Variants in RASGEF1C observed in about 807,000 individuals in gnomAD.
RASGEF1C encodes the protein ras-GEF domain-containing family member 1C.
RASGEF1C carries 27 observed loss-of-function variants against 58.1 expected under a neutral mutation model. The ratio of observed to expected loss-of-function variants is 0.46; its 90% confidence interval spans 0.34 to 0.64. RASGEF1C has a LOEUF of 0.64. Among genes scored for constraint, RASGEF1C ranks in the 30% least tolerant of loss-of-function variants. The pLI is 0.01. For synonymous variants in RASGEF1C, 243 were observed against 246.3 expected (o/e 0.99, Z 0.13); for missense variants, 502 against 605.1 (o/e 0.83, Z 1.79).
intron 4 of RASGEF1C, 93 bp downstream of exon 4, chr5:180,136,285 G>T: frequency 7.8e-7 from 1 of 1,285,552 alleles, no homozygotes. Flanking sequence ...GTGCAGGGTG[G>T]GGAGATGAGG....
At chr5:180,127,551 A>G (rs1766283842) in intron 6 of RASGEF1C, 58 bp downstream of exon 6, 1 of 1,504,624 alleles carries the variant, frequency 6.6e-7, no homozygotes, top group East Asian at 2.4e-5. Flanking sequence ...GGCTCCCCGG[A>G]GAGCGGCCAG....
chr5:180,204,315 G>A (rs2127564826), intron 1 of RASGEF1C, among the ~76,000 whole-genome samples: 1 of 152,206 alleles, frequency 6.6e-6, no homozygotes, highest in East Asian at 1.9e-4. Context: ...GGGACTGTTG[G>A]GTCATATGGT....
chr5:180,200,761 C>T (rs1036103328), intron 1 of RASGEF1C, among the ~76,000 whole-genome samples: 1 of 152,052 alleles, frequency 6.6e-6, no homozygotes, highest in African/African-American at 2.4e-5. Context: ...ACCATCCATG[C>T]CCATGCCTCC....
Position 180,188,931 on chromosome 5 carries a change from G to C in RASGEF1C, c.-7+20097C>G, listed in dbSNP as rs78741909. Among the ~76,000 whole-genome samples the C allele has an allele frequency of 7.2e-3, 1,095 of 152,220 alleles. 14 individuals are homozygous for C. The highest frequency in any genetic ancestry group is 0.021 in the African/African-American group (887 of 41,528). On this transcript the variant is annotated intron_variant, in intron 1 of 13. Coordinates refer to ENST00000361132, the MANE Select transcript of RASGEF1C (RefSeq NM_175062.4). ...ACTTCTATTCAACACTGTACGGGAG[G>C]TTCAGTCTAGTATAATAAGACAAAA... is the stretch of plus-strand genomic sequence containing the variant.
At chr5:180,161,368 G>C (rs1479256109) in intron 1 of RASGEF1C, among the ~76,000 whole-genome samples, 2 of 152,382 alleles carry the variant, frequency 1.3e-5, no homozygotes, top group African/African-American at 4.8e-5. Context: ...TTCCTCCCTG[G>C]AAAGCGGAGG....
At position 180,128,614 on chromosome 5, in the gene RASGEF1C, G is replaced by C. The variant is rs1290222120; in HGVS notation, c.439-4C>G. 1 of 1,613,034 alleles carries C rather than the reference G, an allele frequency of 6.2e-7. No homozygotes were observed. The highest frequency in any genetic ancestry group is 8.5e-7 in the Non-Finnish European group (1 of 1,179,890). The stretch of plus-strand genomic sequence containing the variant: ...GATGCATCCTCTTCCGGTATGCCTG[G>C]TGGGTGGAAAGAAGGGCGCTCAGGA... On this transcript the variant is annotated splice_region_variant and splice_polypyrimidine_tract_variant and intron_variant, in intron 4 of 13. Coordinates refer to ENST00000361132, the MANE Select transcript of RASGEF1C (RefSeq NM_175062.4).
intron 4 of RASGEF1C, among the ~76,000 whole-genome samples, chr5:180,132,742 G>A (rs1170151183): frequency 2.6e-5 from 4 of 152,104 alleles, no homozygotes; most frequent in African/African-American, 9.7e-5. Context: ...AGGCCGAGGC[G>A]GGCAGATCAC....
chr5:180,121,885 CTGAG>C (rs1412739734), intron 6 of RASGEF1C, among the ~76,000 whole-genome samples: 1 of 152,208 alleles, frequency 6.6e-6, no homozygotes, highest in African/African-American at 2.4e-5. Context: ...ACTTGGCCTA[CTGAG>C]TATCATGTCC....
Position 180,118,869 on chromosome 5 carries a change from G to A in RASGEF1C, c.908-3C>T. 1 of 1,614,112 alleles carries A rather than the reference G, an allele frequency of 6.2e-7. No individual in the cohort carries two copies. Among genetic ancestry groups the A allele is most frequent in the East Asian group, 2.2e-5 (1 of 44,876 alleles). On this transcript the variant is annotated splice_polypyrimidine_tract_variant and splice_region_variant and intron_variant, in intron 8 of 13. Coordinates refer to ENST00000361132, the MANE Select transcript of RASGEF1C (RefSeq NM_175062.4). ...GACAGGGCTCATGTTCATGCCGGCT[G>A]GAAGAGGGAGGAGGGTTGGAGAGGG...
In RASGEF1C at chr5:180,137,882, G is replaced by A. The variant is rs551293884; in HGVS notation, c.171C>T (p.Tyr57=). 1 of 1,612,428 alleles carries A rather than the reference G, an allele frequency of 6.2e-7. No homozygotes were observed. Among genetic ancestry groups the A allele is most frequent in the South Asian group, 1.1e-5 (1 of 90,946 alleles). Residue 57 remains tyrosine, a synonymous_variant, in exon 2 of 14, where the codon TAC becomes TAT. Coordinates refer to ENST00000361132, the MANE Select transcript of RASGEF1C (RefSeq NM_175062.4). This position sits in a 1 kb window ranked among gnomAD's most constrained non-coding sequence, Gnocchi z 4.1. ...IQHLVPTADY[Y]PEKAYIFTFL... ...CGCTGGGTGGATCACCCACCTCGGG[G>A]TAGTAGTCGGCTGTGGGCACCAGGT...
intron 1 of RASGEF1C, among the ~76,000 whole-genome samples, chr5:180,165,750 C>CT (rs372734323): frequency 0.3 from 31,986 of 106,418 alleles, 6,142 homozygotes; most frequent in East Asian, 0.46. Context: ...TTAATTTTTC[C>CT]TTTTTTTTTT....
chr5:180,186,905 C>T (rs181842758), intron 1 of RASGEF1C, among the ~76,000 whole-genome samples: 57 of 152,292 alleles, frequency 3.7e-4, no homozygotes, highest in Non-Finnish European at 6.0e-4. Flanking sequence ...CAAGATCGTG[C>T]CACTGCACTC....
At chr5:180,150,488 G>A (rs1210745761) in intron 1 of RASGEF1C, among the ~76,000 whole-genome samples, 2 of 151,554 alleles carry the variant, frequency 1.3e-5, no homozygotes, top group African/African-American at 4.9e-5. Flanking sequence ...CTCTTGCAAT[G>A]TGGCAACTCT....
chr5:180,173,375 G>A (rs1767143934), intron 1 of RASGEF1C, among the ~76,000 whole-genome samples: 1 of 152,168 alleles, frequency 6.6e-6, no homozygotes, highest in African/African-American at 2.4e-5. Flanking sequence ...CCAGACCAAA[G>A]CCTCTGTGGC....
chr5:180,203,801 C>A (rs556486760), intron 1 of RASGEF1C, among the ~76,000 whole-genome samples: 2 of 152,100 alleles, frequency 1.3e-5, no homozygotes, highest in Non-Finnish European at 2.9e-5. Context: ...TCGAGACCAG[C>A]CTGGCCAACA....
rs1470495492 is a variant in RASGEF1C at position 180,200,750 on chromosome 5, A to T, written c.-7+8278T>A. On this transcript the variant is annotated intron_variant, in intron 1 of 13. Coordinates refer to ENST00000361132, the MANE Select transcript of RASGEF1C (RefSeq NM_175062.4). ...ATGGACCAAGCAGGAGAGCAAATAAAACCATCCATGCCCATGCCTCCAGCA... is the reference window on the plus strand; with the variant it reads ...ATGGACCAAGCAGGAGAGCAAATAATACCATCCATGCCCATGCCTCCAGCA... Among the ~76,000 whole-genome samples the T allele has an allele frequency of 5.9e-5, 9 of 151,924 alleles. No individual in the cohort carries two copies. The South Asian group carries it at 1.7e-3, about 28-fold the overall frequency.
intron 11 of RASGEF1C, among the ~76,000 whole-genome samples, chr5:180,113,876 C>T (rs1005006748): frequency 3.3e-5 from 5 of 151,640 alleles, no homozygotes; most frequent in East Asian, 1.9e-4. Context: ...ATGGAGGGAT[C>T]GAGGATGGAT....
At chr5:180,110,052 C>T (rs1041490531) in intron 12 of RASGEF1C, among the ~76,000 whole-genome samples, 11 of 152,224 alleles carry the variant, frequency 7.2e-5, no homozygotes, top group East Asian at 3.8e-4. Flanking sequence ...AGGAAACTCA[C>T]GCACTAGTGT....
At chr5:180,170,779 CA>C (rs1267287544) in intron 1 of RASGEF1C, among the ~76,000 whole-genome samples, 1 of 152,238 alleles carries the variant, frequency 6.6e-6, no homozygotes, top group Non-Finnish European at 1.5e-5. Flanking sequence ...CCCCGACAGC[CA>C]AACAGGCTTC....
Sources: allele counts gnomAD v4.1 joint callset (sites outside exome capture counted in the v4.1 genomes callset), GRCh38; gene constraint gnomAD v4.1.1; non-coding constraint Gnocchi (gnomAD v3.1); transcripts MANE v1.5; gene names NCBI Gene and HGNC (gene_info 2026-07-23, HGNC 2026-07-21).